NELL1: variants seen among roughly 807,000 people sequenced by gnomAD.
NELL1 encodes the protein neural EGFL like 1, also known as protein kinase C-binding protein NELL1.
A neutral mutation model predicts 107.4 loss-of-function variants in NELL1; 76 were observed. That is an observed-to-expected ratio of 0.71 (90% CI 0.59 to 0.86). The LOEUF is 0.86. NELL1 is among the 40% of genes least tolerant of loss of function. NELL1 has a pLI of 0.00. For missense variants in NELL1, 1,024 were observed against 1,005.5 expected, an observed-to-expected ratio of 1.02 and a Z score of -0.25; for synonymous variants, 353 against 341.2, an observed-to-expected ratio of 1.03 and a Z score of -0.38.
intron 14 of NELL1, among the ~76,000 whole-genome samples, chr11:21,233,031 C>G (rs1258717524): frequency 1.3e-5 from 2 of 152,310 alleles, no homozygotes; most frequent in Admixed American, 1.3e-4. Flanking sequence ...TTGACTAAAT[C>G]TGGTTAGAAG....
intron 5 of NELL1, among the ~76,000 whole-genome samples, chr11:20,889,913 T>A (rs1014055389): frequency 8.5e-5 from 13 of 152,156 alleles, no homozygotes; most frequent in African/African-American, 2.9e-4. Flanking sequence ...CCAGCAGACT[T>A]AGCCTCTTGT....
intron 15 of NELL1, among the ~76,000 whole-genome samples, chr11:21,465,440 AATTTGGTGTGAAGTTCTCTAATCT>A: frequency 6.6e-6 from 1 of 151,994 alleles, no homozygotes; most frequent in Non-Finnish European, 1.5e-5. Flanking sequence ...CTTGGCCCCT[AATTTGGTGTGAAGTTCTCTAATCT>A]ATTTCCTGAC....
intron 2 of NELL1, among the ~76,000 whole-genome samples, chr11:20,719,203 A>T (rs1185542646): frequency 6.6e-6 from 1 of 152,108 alleles, no homozygotes; most frequent in African/African-American, 2.4e-5. Flanking sequence ...GAGAAAATAC[A>T]CTCTCTTCTG....
intron 15 of NELL1, among the ~76,000 whole-genome samples, chr11:21,459,149 G>A (rs1391391350): frequency 6.6e-6 from 1 of 151,914 alleles, no homozygotes; most frequent in East Asian, 1.9e-4. Flanking sequence ...AAAATGTATA[G>A]GGTAGTCACT....
chr11:21,331,911 T>C (rs74401091), intron 14 of NELL1, among the ~76,000 whole-genome samples: 3,785 of 152,084 alleles, frequency 0.025, 157 homozygotes, highest in African/African-American at 0.086. Flanking sequence ...CTCTCTTTTC[T>C]AAATAAAATC....
At chr11:21,343,264 C>G (rs2133706832) in intron 14 of NELL1, among the ~76,000 whole-genome samples, 1 of 152,028 alleles carries the variant, frequency 6.6e-6, no homozygotes, top group South Asian at 2.1e-4. Context: ...TATAATTCAG[C>G]TGCTTCTATG....
intron 4 of NELL1, among the ~76,000 whole-genome samples, chr11:20,859,941 C>A (rs1378726677): frequency 6.6e-6 from 1 of 152,202 alleles, no homozygotes; most frequent in Non-Finnish European, 1.5e-5. Flanking sequence ...CACAATTACG[C>A]TTGTTTAATA....
intron 13 of NELL1, among the ~76,000 whole-genome samples, chr11:21,220,645 G>A (rs185717878): frequency 6.6e-6 from 1 of 151,914 alleles, no homozygotes; most frequent in African/African-American, 2.4e-5. Context: ...AAATGCATTT[G>A]CATTCTTGAT....
chr11:20,834,594 T>C (rs1056648761), intron 3 of NELL1, among the ~76,000 whole-genome samples: 3 of 151,666 alleles, frequency 2.0e-5, no homozygotes, highest in African/African-American at 7.3e-5. Context: ...TCCCAGCTAC[T>C]AGGGAGGCTG....
At chr11:21,464,540 A>G (rs537661191) in intron 15 of NELL1, among the ~76,000 whole-genome samples, 3 of 152,252 alleles carry the variant, frequency 2.0e-5, no homozygotes, top group South Asian at 2.1e-4. Context: ...GATCACTTAA[A>G]TTCTGTGGGA....
At chr11:21,097,902 C>T (rs1854688782) in intron 12 of NELL1, among the ~76,000 whole-genome samples, 1 of 151,626 alleles carries the variant, frequency 6.6e-6, no homozygotes, top group Non-Finnish European at 1.5e-5. Context: ...AAACACTGCT[C>T]TCAAATGCAC....
chr11:21,037,238 T>G (rs1853114025), intron 12 of NELL1, among the ~76,000 whole-genome samples: 1 of 152,110 alleles, frequency 6.6e-6, no homozygotes, highest in South Asian at 2.1e-4. Context: ...TAATTTTAAT[T>G]AATTAAAAAT....
intron 15 of NELL1, among the ~76,000 whole-genome samples, chr11:21,446,760 G>A (rs779869665): frequency 6.6e-6 from 1 of 152,188 alleles, no homozygotes; most frequent in South Asian, 2.1e-4. Flanking sequence ...AAGGCTCACT[G>A]TAACCACTAC....
intron 2 of NELL1, among the ~76,000 whole-genome samples, chr11:20,725,281 C>T (rs1214975453): frequency 1.3e-5 from 2 of 152,224 alleles, no homozygotes; most frequent in Non-Finnish European, 1.5e-5. Context: ...ACATCCACTT[C>T]CCCAGACTTC....
At chr11:21,170,691 A>T (rs1366636366) in intron 13 of NELL1, among the ~76,000 whole-genome samples, 1 of 54,876 alleles carries the variant, frequency 1.8e-5, no homozygotes, top group Non-Finnish European at 4.1e-5. Flanking sequence ...ACTGTAGTTT[A>T]TATATATACT....
intron 12 of NELL1, among the ~76,000 whole-genome samples, chr11:20,969,707 G>A (rs570273639): frequency 1.3e-5 from 2 of 152,078 alleles, no homozygotes; most frequent in South Asian, 4.2e-4. Context: ...AGAAGATTTT[G>A]ATGGATCCTG....
chr11:20,930,651 A>G (rs981150963), intron 9 of NELL1, among the ~76,000 whole-genome samples: 1 of 152,148 alleles, frequency 6.6e-6, no homozygotes, highest in Non-Finnish European at 1.5e-5. Flanking sequence ...AAGGCCCTGG[A>G]TACATACAGT....
intron 2 of NELL1, among the ~76,000 whole-genome samples, chr11:20,746,064 G>T (rs569431762): frequency 1.4e-4 from 22 of 152,198 alleles, no homozygotes; most frequent in African/African-American, 5.1e-4. Flanking sequence ...TAAAAGGGGG[G>T]AAACTGAGAC....
chr11:21,203,425 C>G (rs1323171348), intron 13 of NELL1, among the ~76,000 whole-genome samples: 1 of 129,364 alleles, frequency 7.7e-6, no homozygotes, highest in South Asian at 2.8e-4. Flanking sequence ...GAATTGCAAC[C>G]CTTGCTTTTT....
Sources: gnomAD v4.1 joint callset for allele counts (sites outside exome capture counted in the v4.1 genomes callset) on GRCh38, gnomAD v4.1.1 for gene constraint, MANE v1.5 for transcripts, NCBI Gene and HGNC (gene_info 2026-07-23, HGNC 2026-07-21) for gene names.